UGT2A1: variants seen among roughly 807,000 people sequenced by gnomAD.
The protein encoded by UGT2A1 is UDP-glucuronosyltransferase 2A1.
Under a neutral mutation model 45.4 loss-of-function variants are expected in UGT2A1, and 61 were observed. The ratio of observed to expected loss-of-function variants is 1.34; its 90% confidence interval spans 1.09 to 1.66. The LOEUF (loss-of-function observed/expected upper bound fraction) is 1.66. Ranked by LOEUF, UGT2A1 falls within the 40% of genes most tolerant of loss-of-function variation. The pLI is 0.00. For synonymous variants in UGT2A1, 229 were observed against 196.2 expected (o/e 1.17, Z -1.40); for missense variants, 649 against 574.3 (o/e 1.13, Z -1.33).
chr4:69,606,421 C>T (rs77986248), intron 3 of UGT2A1, among the ~76,000 whole-genome samples: 24,417 of 135,206 alleles, frequency 0.18, 5,779 homozygotes, highest in Non-Finnish European at 0.22. Context: ...TGGGATGTAT[C>T]TCAAAATAAT....
intron 1 of UGT2A1, among the ~76,000 whole-genome samples, chr4:69,652,420 A>T (rs1722573547): frequency 6.7e-6 from 1 of 149,496 alleles, no homozygotes; most frequent in Non-Finnish European, 1.5e-5. Flanking sequence ...AGTAGCTGGG[A>T]TTATAGGCGA....
At chr4:69,632,824 G>T (rs577738361) in intron 3 of UGT2A1, among the ~76,000 whole-genome samples, 1 of 151,404 alleles carries the variant, frequency 6.6e-6, no homozygotes, top group African/African-American at 2.4e-5. Context: ...GGAGGCGGGG[G>T]TTGCAGTGAG....
At chr4:69,591,431 C>T (rs1180269926) in intron 6 of UGT2A1, among the ~76,000 whole-genome samples, 1 of 152,038 alleles carries the variant, frequency 6.6e-6, no homozygotes, top group Non-Finnish European at 1.5e-5. Flanking sequence ...GACCTGGGAT[C>T]AAAGGGAAGG....
At chr4:69,624,587 C>T (rs552985062) in intron 3 of UGT2A1, among the ~76,000 whole-genome samples, 1 of 150,364 alleles carries the variant, frequency 6.7e-6, no homozygotes, top group Admixed American at 6.7e-5. Context: ...TTTTATGATC[C>T]TAGTTGATTT....
Position 69,605,265 on chromosome 4 carries a change from A to T in UGT2A1, c.848-5871T>A, listed in dbSNP as rs551843427. ...TCAAATTAGAACTCAGGATTAAGAAATTCACTCAAAACCGCTCAACTACAT... is the reference window on the plus strand; with the variant it reads ...TCAAATTAGAACTCAGGATTAAGAATTTCACTCAAAACCGCTCAACTACAT... On this transcript the variant is annotated intron_variant, in intron 3 of 6. Transcript: ENST00000286604. 4.8e-3 allele frequency among the ~76,000 whole-genome samples: 657 copies of T among 137,112 alleles called. 138 individuals are homozygous for T. Among genetic ancestry groups the T allele is most frequent in the Middle Eastern group, 0.019 (5 of 262 alleles). 90.0% of individuals were successfully genotyped at this position (137,112 alleles called of 152,430 possible). A position where few individuals can be genotyped will look rare whatever the true frequency, so the allele number is the denominator to read the frequency against.
rs1560498228 is a variant in UGT2A1 at position 69,647,322 on chromosome 4, T to C, written c.323A>G (p.Tyr108Cys). The C allele has an allele frequency of 6.2e-7, 1 of 1,613,404 alleles. No individual in the cohort carries two copies. Among genetic ancestry groups the C allele is most frequent in the Non-Finnish European group, 8.5e-7 (1 of 1,179,546 alleles). Residue 108 changes from tyrosine to cysteine, a missense_variant, in exon 2 of 7, where the codon TAT becomes TGT. Coordinates refer to ENST00000286604, the MANE Select transcript of UGT2A1 (RefSeq NM_001252275.3). ...RPSPSTIWRF[Y>C]QEMAKVIKDF... Reference sequence around the variant, plus strand: ...CTTGATTACTTTGGCCATCTCCTGATAGAATCTCCAAATGGTTGAAGGAGA... The same window carrying C: ...CTTGATTACTTTGGCCATCTCCTGACAGAATCTCCAAATGGTTGAAGGAGA...
chr4:69,651,861 A>G (rs770259348), intron 1 of UGT2A1, among the ~76,000 whole-genome samples: 8 of 152,214 alleles, frequency 5.3e-5, no homozygotes, highest in Non-Finnish European at 8.8e-5. Context: ...GTGCATGCTC[A>G]TTTCCCAAGG....
chr4:69,634,176 C>T (rs1397439278), intron 3 of UGT2A1, among the ~76,000 whole-genome samples: 1 of 151,946 alleles, frequency 6.6e-6, no homozygotes, highest in African/African-American at 2.4e-5. Flanking sequence ...ACCCGGGAGG[C>T]GGAGCTTGCA....
chr4:69,607,149 C>T (rs1283822757), intron 3 of UGT2A1, among the ~76,000 whole-genome samples: 1 of 148,586 alleles, frequency 6.7e-6, no homozygotes, highest in Non-Finnish European at 1.5e-5. Flanking sequence ...GGAGGCATCA[C>T]ACTACCTGAC....
intron 6 of UGT2A1, among the ~76,000 whole-genome samples, chr4:69,593,758 C>T (rs754302585): frequency 3.3e-5 from 5 of 151,526 alleles, no homozygotes; most frequent in Non-Finnish European, 7.4e-5. Context: ...TTAAAGGTAT[C>T]GAATGGTATA....
At chr4:69,614,395 C>G (rs1289596379) in intron 3 of UGT2A1, among the ~76,000 whole-genome samples, 1 of 151,736 alleles carries the variant, frequency 6.6e-6, no homozygotes, top group Non-Finnish European at 1.5e-5. Flanking sequence ...CTATAGCACC[C>G]AAAACAAGTT....
At chr4:69,632,168 G>A (rs189555371) in intron 3 of UGT2A1, among the ~76,000 whole-genome samples, 1 of 152,172 alleles carries the variant, frequency 6.6e-6, no homozygotes, top group East Asian at 1.9e-4. Context: ...TACATTCACA[G>A]CAATTTTTAA....
intron 3 of UGT2A1, among the ~76,000 whole-genome samples, chr4:69,631,686 C>A (rs1252650670): frequency 6.6e-6 from 1 of 152,138 alleles, no homozygotes; most frequent in East Asian, 1.9e-4. Context: ...GGTGTGTCCA[C>A]TAATTATCCC....
chr4:69,590,681 T>A (rs1195951595), intron 6 of UGT2A1, among the ~76,000 whole-genome samples: 2 of 151,702 alleles, frequency 1.3e-5, no homozygotes, highest in East Asian at 1.9e-4. Flanking sequence ...GTCTGTCTAG[T>A]GAAAAAGAAT....
intron 3 of UGT2A1, among the ~76,000 whole-genome samples, chr4:69,601,478 G>C (rs1416287751): frequency 3.3e-5 from 5 of 152,090 alleles, no homozygotes; most frequent in African/African-American, 1.2e-4. Flanking sequence ...GCCACCTCTT[G>C]GCTAGAGGCC....
intron 2 of UGT2A1, among the ~76,000 whole-genome samples, chr4:69,642,406 A>G (rs1374155195): frequency 2.0e-5 from 3 of 151,816 alleles, no homozygotes; most frequent in Non-Finnish European, 2.9e-5. Flanking sequence ...AGAAGGAAGG[A>G]AGGAGAGAGG....
intron 3 of UGT2A1, among the ~76,000 whole-genome samples, chr4:69,602,723 C>T (rs1003860503): frequency 1.5e-5 from 2 of 137,092 alleles, no homozygotes; most frequent in Non-Finnish European, 3.1e-5. Context: ...CTTATAATTG[C>T]AAAATTGTAT....
chr4:69,610,771 A>G (rs1719989358), intron 3 of UGT2A1, among the ~76,000 whole-genome samples: 1 of 152,190 alleles, frequency 6.6e-6, no homozygotes, highest in African/African-American at 2.4e-5. Context: ...TTCAAGAAAA[A>G]ACAGACCTGG....
At chr4:69,606,161 G>A (rs1175767409) in intron 3 of UGT2A1, among the ~76,000 whole-genome samples, 2 of 136,230 alleles carry the variant, frequency 1.5e-5, no homozygotes, top group East Asian at 2.0e-4. Context: ...GAACATCGAG[G>A]CAAAAATCCT....
Sources: gnomAD v4.1 joint callset for allele counts (sites outside exome capture counted in the v4.1 genomes callset) on GRCh38, gnomAD v4.1.1 for gene constraint, MANE v1.5 for transcripts, NCBI Gene and HGNC (gene_info 2026-07-23, HGNC 2026-07-21) for gene names.